The following KIF6 variants were observed in gnomAD, a reference collection of about 807,000 sequenced individuals.
KIF6 encodes kinesin-like protein KIF6.
Under a neutral mutation model 112.7 loss-of-function variants are expected in KIF6, and 106 were observed. The ratio of observed to expected loss-of-function variants is 0.94; its 90% CI spans 0.80 to 1.11. The LOEUF is 1.11. KIF6 is among the 50% of genes least tolerant of loss of function. The pLI is 0.00. For synonymous variants in KIF6, 339 were observed against 339.9 expected (o/e 1.00, Z 0.03); for missense variants, 929 against 964.0 (o/e 0.96, Z 0.48).
intron 13 of KIF6, among the ~76,000 whole-genome samples, chr6:39,535,731 A>G (rs1467257970): frequency 1.0e-4 from 15 of 148,352 alleles, no homozygotes; most frequent in Admixed American, 2.7e-4. Flanking sequence ...CATCTACAGA[A>G]CTCTCCACCC....
At chr6:39,718,786 G>A (rs1234409088) in intron 2 of KIF6, among the ~76,000 whole-genome samples, 1 of 151,712 alleles carries the variant, frequency 6.6e-6, no homozygotes, top group Non-Finnish European at 1.5e-5. Flanking sequence ...CAGGTTTTAG[G>A]GCTATTCCTT....
intron 5 of KIF6, among the ~76,000 whole-genome samples, chr6:39,621,871 T>C (rs1217165579): frequency 2.0e-4 from 30 of 152,036 alleles, no homozygotes; most frequent in Admixed American, 2.0e-3. Flanking sequence ...GTTAATGAAA[T>C]TGAACCTATT....
intron 20 of KIF6, among the ~76,000 whole-genome samples, chr6:39,346,083 T>C (rs1426802614): frequency 2.4e-3 from 60 of 24,790 alleles, no homozygotes; most frequent in African/African-American, 5.8e-3. Context: ...TCTCTCTCTC[T>C]CTCCCCCCCC....
At chr6:39,345,319 G>A (rs1451746208) in intron 21 of KIF6, among the ~76,000 whole-genome samples, 1 of 152,236 alleles carries the variant, frequency 6.6e-6, no homozygotes, top group African/African-American at 2.4e-5. Context: ...CCATGGTGCT[G>A]ATCAACTCTG....
intron 3 of KIF6, among the ~76,000 whole-genome samples, chr6:39,675,616 C>G (rs1379720139): frequency 1.3e-5 from 2 of 151,910 alleles, no homozygotes; most frequent in Non-Finnish European, 2.9e-5. Context: ...GAACACAATT[C>G]CACCATAAAA....
In KIF6 at chr6:39,674,438, C is replaced by T. The variant is rs117283258; in HGVS notation, c.252-34681G>A. 1.3e-4 allele frequency among the ~76,000 whole-genome samples: 20 copies of T among 152,164 alleles called. No homozygotes were observed. In the East Asian group the frequency reaches 3.3e-3, roughly 25 times the overall value. On this transcript the variant is annotated intron_variant, in intron 3 of 22. Coordinates refer to ENST00000287152, the MANE Select transcript of KIF6 (RefSeq NM_145027.6). The stretch of plus-strand genomic sequence containing the variant: ...TTCCTCTACCAGACTATGAGCATCA[C>T]GAAGGAAGGAGCTGTGGCTTTTTCT...
intron 13 of KIF6, among the ~76,000 whole-genome samples, chr6:39,523,651 T>C (rs1777528556): frequency 1.9e-4 from 1 of 5,190 alleles, no homozygotes; most frequent in Non-Finnish European, 3.5e-4. Flanking sequence ...CTGCCATATA[T>C]ATATATATAT....
intron 6 of KIF6, 65 bp from the exon 7 acceptor site, chr6:39,596,325 T>C (rs1582230297): frequency 9.0e-7 from 1 of 1,113,990 alleles, no homozygotes; most frequent in East Asian, 2.6e-5. Context: ...TATCAAAAGA[T>C]TTAAAATAAT....
At chr6:39,647,758 G>GTGCA (rs1315591875) in intron 3 of KIF6, among the ~76,000 whole-genome samples, 1 of 149,944 alleles carries the variant, frequency 6.7e-6, no homozygotes, top group African/African-American at 2.5e-5. Context: ...CCAGGCTGGA[G>GTGCA]TGCAATGGTG....
At chr6:39,455,355 C>T (rs1159620317) in intron 13 of KIF6, among the ~76,000 whole-genome samples, 4 of 151,730 alleles carry the variant, frequency 2.6e-5, no homozygotes, top group East Asian at 3.9e-4. Context: ...ACATCCACAC[C>T]GAAAACCCAT....
rs1782150026 is a variant in KIF6, at chr6:39,594,698, CAGAA to C, written c.846+1352_846+1355del. ...TTTAACATCGAGGCAACATCAGTCTCAGAAGGATTCATTAAGCAGTTAAAAAAAG... is the reference window on the plus strand; with the variant it reads ...TTTAACATCGAGGCAACATCAGTCTCGGATTCATTAAGCAGTTAAAAAAAG... On this transcript the variant is annotated intron_variant, in intron 7 of 22. Coordinates refer to ENST00000287152, the MANE Select transcript of KIF6 (RefSeq NM_145027.6). Among the ~76,000 whole-genome samples, 5 of 152,274 alleles carry C rather than the reference CAGAA, an allele frequency of 3.3e-5. No homozygotes were observed. In the South Asian group the frequency reaches 1.0e-3, roughly 32 times the overall value.
At chr6:39,574,632 G>A (rs1358446484) in intron 10 of KIF6, among the ~76,000 whole-genome samples, 1 of 151,856 alleles carries the variant, frequency 6.6e-6, no homozygotes, top group Non-Finnish European at 1.5e-5. Flanking sequence ...TCTACAATAT[G>A]ACTATATGGC....
intron 12 of KIF6, 70 bp from the exon 13 acceptor site, chr6:39,540,291 G>T: frequency 2.1e-6 from 2 of 958,322 alleles, no homozygotes; most frequent in Non-Finnish European, 3.2e-6. Context: ...TGTCCTAAGT[G>T]TCATTAATGT....
intron 5 of KIF6, among the ~76,000 whole-genome samples, chr6:39,614,905 C>T (rs145015880): frequency 1.2e-3 from 186 of 152,198 alleles, no homozygotes; most frequent in African/African-American, 4.3e-3. Context: ...CCTAGAGACA[C>T]GGAAGTAATG....
At chr6:39,498,230 C>T (rs1489120686) in intron 13 of KIF6, among the ~76,000 whole-genome samples, 1 of 152,120 alleles carries the variant, frequency 6.6e-6, no homozygotes, top group African/African-American at 2.4e-5. Flanking sequence ...AGCTGAGCTA[C>T]AGAACTCATG....
chr6:39,551,966 T>C (rs1296411662), intron 10 of KIF6, among the ~76,000 whole-genome samples: 1 of 152,348 alleles, frequency 6.6e-6, no homozygotes, highest in East Asian at 1.9e-4. Flanking sequence ...TTTATAGGAA[T>C]CGGCTATGAG....
chr6:39,424,617 G>A lies in KIF6; in HGVS notation c.1755-4614C>T, dbSNP rs150531279. 7.1e-3 allele frequency among the ~76,000 whole-genome samples: 1,080 copies of A among 152,310 alleles called. 11 individuals carry two copies. Among genetic ancestry groups the A allele is most frequent in the African/African-American group, 0.024 (1,016 of 41,564 alleles). On this transcript the variant is annotated intron_variant, in intron 14 of 22. Coordinates refer to ENST00000287152, the MANE Select transcript of KIF6 (RefSeq NM_145027.6). ...CCAAATGCCTACCTCACCTCTTAGC[G>A]ACTGGGTCTCAGGCTCTTCATTTCT...
chr6:39,698,713 G>T (rs1788694855), intron 3 of KIF6, among the ~76,000 whole-genome samples: 1 of 152,170 alleles, frequency 6.6e-6, no homozygotes, highest in Non-Finnish European at 1.5e-5. Context: ...AAAGAATTCA[G>T]CCATTGGGAT....
intron 13 of KIF6, among the ~76,000 whole-genome samples, chr6:39,462,111 T>C (rs938098908): frequency 7.9e-5 from 12 of 152,210 alleles, no homozygotes; most frequent in Non-Finnish European, 1.8e-4. Flanking sequence ...AAAAGCCATA[T>C]ACCTATGTTT....
Sources: gnomAD v4.1 joint callset for allele counts (sites outside exome capture counted in the v4.1 genomes callset) on GRCh38, gnomAD v4.1.1 for gene constraint, MANE v1.5 for transcripts, NCBI Gene and HGNC (gene_info 2026-07-23, HGNC 2026-07-21) for gene names.